Variants in ERBB4 observed in about 807,000 individuals in gnomAD.
ERBB4 encodes erb-b2 receptor tyrosine kinase 4.
A neutral mutation model predicts 158.0 loss-of-function variants in ERBB4; 42 were observed. The ratio of observed to expected loss-of-function variants is 0.27; its 90% CI spans 0.21 to 0.34. The LOEUF (loss-of-function observed/expected upper bound fraction) is 0.34, where lower values mean the gene tolerates loss of function less well. Among genes scored for constraint, ERBB4 ranks in the 10% least tolerant of loss-of-function variants. ERBB4 has a pLI of 1.00. For missense variants in ERBB4, 1,333 were observed against 1,624.1 expected (o/e 0.82, Z 3.08); for synonymous variants, 583 against 558.7 (o/e 1.04, Z -0.61).
chr2:211,580,459 C>T (rs980231358), intron 19 of ERBB4, among the ~76,000 whole-genome samples: 2 of 151,914 alleles, frequency 1.3e-5, no homozygotes, highest in African/African-American at 4.8e-5. Flanking sequence ...CCACCTTACT[C>T]CTACAAGAAT....
rs557300944 is a variant in ERBB4 at position 212,385,342 on chromosome 2, C to T, written c.82+153107G>A. ...AATATAGTGCTTTTAACAAAGGATT[C>T]CCAGGAGGAAATCAGTGGACAACAA... On this transcript the variant is annotated intron_variant, in intron 1 of 27. Coordinates refer to ENST00000342788, the MANE Select transcript of ERBB4 (RefSeq NM_005235.3). Among the ~76,000 whole-genome samples the T allele has an allele frequency of 2.6e-5, 4 of 151,762 alleles. No homozygotes were observed. The East Asian group carries it at 7.8e-4, about 29-fold the overall frequency.
At chr2:211,867,442 G>T (rs1286557569) in intron 3 of ERBB4, among the ~76,000 whole-genome samples, 1 of 151,914 alleles carries the variant, frequency 6.6e-6, no homozygotes, top group Non-Finnish European at 1.5e-5. Flanking sequence ...GATAAAATAA[G>T]AATAAAATAA....
At chr2:211,466,886 T>G (rs2064706778) in intron 20 of ERBB4, among the ~76,000 whole-genome samples, 1 of 152,058 alleles carries the variant, frequency 6.6e-6, no homozygotes, top group South Asian at 2.1e-4. Flanking sequence ...TCTCTCTCTC[T>G]TTTCTCTCTC....
intron 20 of ERBB4, among the ~76,000 whole-genome samples, chr2:211,520,969 A>C (rs901003942): frequency 8.5e-5 from 13 of 152,094 alleles, no homozygotes; most frequent in African/African-American, 3.1e-4. Context: ...CTGCTCTACC[A>C]ATCAGCCATT....
chr2:211,616,559 A>G (rs939951977), intron 19 of ERBB4, among the ~76,000 whole-genome samples: 1 of 151,716 alleles, frequency 6.6e-6, no homozygotes, highest in Non-Finnish European at 1.5e-5. Context: ...AAATACTTTT[A>G]TAATGATCTA....
rs1553585798 is a variant in ERBB4, at chr2:212,188,215, T to TCTCTCG, written c.83-63313_83-63312insCGAGAG. On this transcript the variant is annotated intron_variant, in intron 1 of 27. Coordinates refer to ENST00000342788, the MANE Select transcript of ERBB4 (RefSeq NM_005235.3). ...CTCTCTCTCTCTCTCTCTCTCTCTC[T>TCTCTCG]CTCTCTCTCTCTCTCTCTCCCCCCC... Among the ~76,000 whole-genome samples the TCTCTCG allele has an allele frequency of 2.2e-3, 71 of 32,324 alleles. 3 individuals are homozygous for TCTCTCG. Among genetic ancestry groups the TCTCTCG allele is most frequent in the African/African-American group, 7.8e-3 (68 of 8,754 alleles). 21.2% of individuals were successfully genotyped at this position (32,324 alleles called of 152,430 possible).
At chr2:212,073,440 G>T (rs1521545) in intron 2 of ERBB4, among the ~76,000 whole-genome samples, 125,481 of 151,876 alleles carry the variant, frequency 0.83, 53,460 homozygotes, top group East Asian at 1. Flanking sequence ...GTCTTGACAG[G>T]GATTCTATGA....
At chr2:211,757,161 T>TA (rs1228963783) in intron 4 of ERBB4, among the ~76,000 whole-genome samples, 1 of 152,218 alleles carries the variant, frequency 6.6e-6, no homozygotes, top group Non-Finnish European at 1.5e-5. Context: ...TGTCATCTGT[T>TA]TATTTGTATT....
chr2:211,701,553 G>A lies in ERBB4; in HGVS notation c.1489+414C>T, dbSNP rs569404810. Among the ~76,000 whole-genome samples, 7 of 151,950 alleles carry A rather than the reference G, an allele frequency of 4.6e-5. No individual in the cohort carries two copies. The East Asian group carries it at 9.7e-4, about 21-fold the overall frequency. The stretch of plus-strand genomic sequence containing the variant: ...GGGCGGATCACGAGGTCAGGAAATC[G>A]GGACCATCCTGGCTAACACAGCGAA... On this transcript the variant is annotated intron_variant, in intron 12 of 27. Transcript: ENST00000342788.
chr2:212,473,630 T>C (rs1231296339), intron 1 of ERBB4, among the ~76,000 whole-genome samples: 1 of 152,242 alleles, frequency 6.6e-6, no homozygotes, highest in African/African-American at 2.4e-5. Context: ...ACAATGCATA[T>C]GGTAATGAGA....
chr2:211,928,567 A>C (rs1248305261), intron 3 of ERBB4, among the ~76,000 whole-genome samples: 1 of 152,206 alleles, frequency 6.6e-6, no homozygotes, highest in Non-Finnish European at 1.5e-5. Context: ...CCTGGGAGGA[A>C]GAAAGAGCAC....
At chr2:212,309,757 AT>A (rs75634007) in intron 1 of ERBB4, among the ~76,000 whole-genome samples, 77,646 of 149,038 alleles carry the variant, frequency 0.52, 24,322 homozygotes, top group East Asian at 0.84. Context: ...CTTTGAGGGT[AT>A]TTTTTTTTTA....
chr2:212,335,501 A>G (rs1271670460), intron 1 of ERBB4, among the ~76,000 whole-genome samples: 1 of 152,002 alleles, frequency 6.6e-6, no homozygotes, highest in African/African-American at 2.4e-5. Context: ...AGAGTGAAAT[A>G]AAAATTATGT....
intron 12 of ERBB4, among the ~76,000 whole-genome samples, chr2:211,700,606 T>A (rs1268243200): frequency 1.3e-5 from 2 of 152,156 alleles, no homozygotes; most frequent in African/African-American, 4.8e-5. Context: ...TGGAACAAGA[T>A]GGGGTCTTAA....
chr2:212,019,332 T>C (rs1221975806), intron 2 of ERBB4, among the ~76,000 whole-genome samples: 1 of 152,200 alleles, frequency 6.6e-6, no homozygotes, highest in East Asian at 1.9e-4. Flanking sequence ...TATTTTTCCA[T>C]ATGTGTTTGC....
chr2:211,848,874 G>A (rs1183829879), intron 3 of ERBB4, among the ~76,000 whole-genome samples: 1 of 152,064 alleles, frequency 6.6e-6, no homozygotes, highest in Non-Finnish European at 1.5e-5. Context: ...ACTAGCAGAT[G>A]CTCAGCTGAG....
In ERBB4 at chr2:212,237,288, A is replaced by G. The variant is rs530777300; in HGVS notation, c.83-112385T>C. On this transcript the variant is annotated intron_variant, in intron 1 of 27. Coordinates refer to ENST00000342788, the MANE Select transcript of ERBB4 (RefSeq NM_005235.3). ...GCGGACATCCTTTTTGTTGATGTTG[A>G]CGCTATTCCTTTCTATTTGTTAGTT... Among the ~76,000 whole-genome samples, 4 of 152,128 alleles carry G rather than the reference A, an allele frequency of 2.6e-5. No homozygotes were observed. In the South Asian group the frequency reaches 8.3e-4, roughly 32 times the overall value.
chr2:211,418,136 G>A lies in ERBB4; in HGVS notation c.3135+2305C>T, dbSNP rs946633411. Reference sequence around the variant, plus strand: ...TATCACATATGCTTAAGAAATATTTGATCAAAATTCACTTTTAAGATGTTC... The same window carrying A: ...TATCACATATGCTTAAGAAATATTTAATCAAAATTCACTTTTAAGATGTTC... On this transcript the variant is annotated intron_variant, in intron 25 of 27. Transcript: ENST00000342788. Among the ~76,000 whole-genome samples, 6 of 148,032 alleles carry A rather than the reference G, an allele frequency of 4.1e-5. No homozygotes were observed. In the South Asian group the frequency reaches 1.3e-3, roughly 31 times the overall value.
chr2:211,959,775 T>C (rs1378707364), intron 2 of ERBB4, among the ~76,000 whole-genome samples: 1 of 152,128 alleles, frequency 6.6e-6, no homozygotes, highest in Non-Finnish European at 1.5e-5. Flanking sequence ...TCTGTACTTG[T>C]AGTATATTCA....
Sources: allele counts gnomAD v4.1 joint callset (sites outside exome capture counted in the v4.1 genomes callset), GRCh38; gene constraint gnomAD v4.1.1; transcripts MANE v1.5; gene names NCBI Gene and HGNC (gene_info 2026-07-23, HGNC 2026-07-21).